The following CCDC148 variants were observed in gnomAD, a reference collection of about 807,000 sequenced individuals.
CCDC148 encodes coiled-coil domain-containing protein 148.
A neutral mutation model predicts 85.7 loss-of-function variants in CCDC148; 89 were observed. That is an observed-to-expected ratio of 1.04 (90% CI 0.87 to 1.24). The LOEUF is 1.24. CCDC148 is among the 50% of genes most tolerant of loss of function. CCDC148 has a pLI of 0.00. For missense variants in CCDC148, 692 were observed against 671.7 expected (o/e 1.03, Z -0.33); for synonymous variants, 230 against 213.9 (o/e 1.08, Z -0.66).
At chr2:158,334,797 G>T (rs1693334291) in intron 7 of CCDC148, among the ~76,000 whole-genome samples, 1 of 151,674 alleles carries the variant, frequency 6.6e-6, no homozygotes, top group African/African-American at 2.4e-5. Flanking sequence ...AATTTATTTT[G>T]ATTTTAAAAA....
Position 158,274,484 on chromosome 2 carries a change from C to A in CCDC148, c.1111-23572G>T, listed in dbSNP as rs111354856. On this transcript the variant is annotated intron_variant, in intron 9 of 13. Transcript: ENST00000283233. ...AATGTGTCTCCTGGTGATGTCACATCCAAATATTTACACATTAAAATATAT... is the reference window on the plus strand; with the variant it reads ...AATGTGTCTCCTGGTGATGTCACATACAAATATTTACACATTAAAATATAT... Among the ~76,000 whole-genome samples, 380 of 152,236 alleles carry A rather than the reference C, an allele frequency of 2.5e-3. 1 individual carries two copies. The highest frequency in any genetic ancestry group is 8.5e-3 in the African/African-American group (354 of 41,526).
At position 158,365,938 on chromosome 2, in the gene CCDC148, A is replaced by T. The variant is rs565263089; in HGVS notation, c.26-7368T>A. 7.6e-5 allele frequency: 81 copies of T among 1,065,440 alleles called. 1 individual carries two copies. In the South Asian group the frequency reaches 1.1e-3, roughly 15 times the overall value. The allele number at this position is 1,065,440 out of a possible 1,614,324, so 66.0% of individuals were successfully genotyped here. A position where few individuals can be genotyped will look rare whatever the true frequency, so the allele number is the denominator to read the frequency against. On this transcript the variant is annotated intron_variant, in intron 1 of 13. Transcript: ENST00000283233. Reference sequence around the variant, plus strand: ...ATTATTAAAATTTTGAAAAATCAACATTCCAATTGTGTATCATTTCAAAAG... The same window carrying T: ...ATTATTAAAATTTTGAAAAATCAACTTTCCAATTGTGTATCATTTCAAAAG...
chr2:158,336,029 T>A (rs2105237799), intron 7 of CCDC148, among the ~76,000 whole-genome samples: 1 of 152,312 alleles, frequency 6.6e-6, no homozygotes, highest in South Asian at 2.1e-4. Flanking sequence ...GCCCCCTGGA[T>A]ATTTCAACTT....
At chr2:158,428,171 G>GTA (rs1687164167) in intron 1 of CCDC148, among the ~76,000 whole-genome samples, 1 of 152,136 alleles carries the variant, frequency 6.6e-6, no homozygotes, top group Non-Finnish European at 1.5e-5. Context: ...AGGCCACTTA[G>GTA]GAGACTGTTA....
chr2:158,232,404 C>T (rs1317249089), intron 10 of CCDC148, among the ~76,000 whole-genome samples: 1 of 151,666 alleles, frequency 6.6e-6, no homozygotes, highest in African/African-American at 2.4e-5. Flanking sequence ...AGATTTTTTC[C>T]TATTAAAAAC....
At chr2:158,341,350 A>G in intron 3 of CCDC148, among the ~76,000 whole-genome samples, 1 of 147,066 alleles carries the variant, frequency 6.8e-6, no homozygotes, top group African/African-American at 2.5e-5. Flanking sequence ...TTGATCGCCC[A>G]GGCTGGAGTG....
intron 1 of CCDC148, among the ~76,000 whole-genome samples, chr2:158,426,701 A>G (rs1032467976): frequency 6.6e-6 from 1 of 152,158 alleles, no homozygotes; most frequent in African/African-American, 2.4e-5. Flanking sequence ...ATCTTGTGCA[A>G]CCAATTTAAG....
At chr2:158,178,383 T>C (rs541863770) in intron 12 of CCDC148, among the ~76,000 whole-genome samples, 7 of 152,290 alleles carry the variant, frequency 4.6e-5, no homozygotes, top group African/African-American at 1.7e-4. Flanking sequence ...TCATCTACTT[T>C]TGCTTACTTT....
At chr2:158,248,082 C>T (rs1205846778) in intron 10 of CCDC148, among the ~76,000 whole-genome samples, 1 of 151,966 alleles carries the variant, frequency 6.6e-6, no homozygotes, top group Non-Finnish European at 1.5e-5. Context: ...CCCCCACCCC[C>T]TGAAACATAG....
intron 10 of CCDC148, among the ~76,000 whole-genome samples, chr2:158,230,121 GACTTTGA>G (rs1489464680): frequency 6.6e-6 from 1 of 152,026 alleles, no homozygotes; most frequent in Non-Finnish European, 1.5e-5. Flanking sequence ...TTGACTTTGG[GACTTTGA>G]CATTCATTTG....
At chr2:158,373,427 T>A (rs1285133817) in intron 1 of CCDC148, among the ~76,000 whole-genome samples, 2 of 152,044 alleles carry the variant, frequency 1.3e-5, no homozygotes, top group Admixed American at 1.3e-4. Context: ...TGCTCTTTGA[T>A]ATCTCTCTCA....
intron 9 of CCDC148, among the ~76,000 whole-genome samples, chr2:158,277,936 A>G (rs932209883): frequency 3.3e-5 from 5 of 152,170 alleles, no homozygotes; most frequent in Non-Finnish European, 7.3e-5. Flanking sequence ...TGTTCAATGT[A>G]AACAAACTCA....
At chr2:158,272,965 T>C (rs1689765557) in intron 9 of CCDC148, among the ~76,000 whole-genome samples, 1 of 152,220 alleles carries the variant, frequency 6.6e-6, no homozygotes, top group Non-Finnish European at 1.5e-5. Flanking sequence ...TATGTAATTA[T>C]TGTTTGTCAA....
At chr2:158,301,544 C>G (rs958842239) in intron 9 of CCDC148, among the ~76,000 whole-genome samples, 2 of 152,026 alleles carry the variant, frequency 1.3e-5, no homozygotes, top group African/African-American at 4.8e-5. Flanking sequence ...TCAGGGTAGG[C>G]GGAATCACGA....
chr2:158,328,135 A>G (rs1007858383), intron 7 of CCDC148, among the ~76,000 whole-genome samples: 1 of 152,048 alleles, frequency 6.6e-6, no homozygotes, highest in Admixed American at 6.6e-5. Flanking sequence ...ATCTAACATT[A>G]GGTATATCAC....
chr2:158,411,292 C>T (rs1686248344), intron 1 of CCDC148, among the ~76,000 whole-genome samples: 1 of 152,012 alleles, frequency 6.6e-6, no homozygotes. Context: ...TTCTTTCTCT[C>T]TCTTCTCCTT....
intron 1 of CCDC148, among the ~76,000 whole-genome samples, chr2:158,407,097 A>T (rs1686061026): frequency 6.6e-6 from 1 of 151,380 alleles, no homozygotes; most frequent in Admixed American, 6.6e-5. Flanking sequence ...CAACTCTAAG[A>T]CCTTGAAAAA....
At chr2:158,439,436 T>TG (rs1687833210) in intron 1 of CCDC148, among the ~76,000 whole-genome samples, 1 of 151,948 alleles carries the variant, frequency 6.6e-6, no homozygotes, top group South Asian at 2.1e-4. Flanking sequence ...TCAGAACACT[T>TG]GGACACAGGG....
intron 3 of CCDC148, among the ~76,000 whole-genome samples, chr2:158,344,476 G>A (rs1312309209): frequency 3.9e-5 from 6 of 152,058 alleles, no homozygotes; most frequent in South Asian, 4.2e-4. Context: ...TAACTATTTT[G>A]ATATAAAATA....
Sources: gnomAD v4.1 joint callset for allele counts (sites outside exome capture counted in the v4.1 genomes callset) on GRCh38, gnomAD v4.1.1 for gene constraint, MANE v1.5 for transcripts, NCBI Gene and HGNC (gene_info 2026-07-23, HGNC 2026-07-21) for gene names.